The following ARMH3 variants were observed in gnomAD, a reference collection of about 807,000 sequenced individuals.
The protein encoded by ARMH3 is armadillo-like helical domain-containing protein 3.
Under a neutral mutation model 99.1 loss-of-function variants are expected in ARMH3, and 60 were observed. The ratio of observed to expected loss-of-function variants is 0.61; its 90% CI spans 0.49 to 0.75. ARMH3 has a LOEUF of 0.75. Among genes scored for constraint, ARMH3 ranks in the 30% least tolerant of loss-of-function variants. ARMH3 has a pLI of 0.00. For synonymous variants in ARMH3, 285 were observed against 292.8 expected (o/e 0.97, Z 0.27); for missense variants, 679 against 843.1 (o/e 0.81, Z 2.41).
chr10:101,861,953 G>T (rs2135317453), intron 24 of ARMH3, among the ~76,000 whole-genome samples: 1 of 147,992 alleles, frequency 6.8e-6, no homozygotes, highest in Middle Eastern at 3.5e-3. Flanking sequence ...GGAGGCTGAG[G>T]CAGGAGAATG....
In ARMH3 at chr10:102,010,284, A is replaced by G. The variant is rs562047013; in HGVS notation, c.832-261T>C. Among the ~76,000 whole-genome samples, 8 of 152,346 alleles carry G rather than the reference A, an allele frequency of 5.3e-5. No individual in the cohort carries two copies. In the South Asian group the frequency reaches 1.4e-3, roughly 28 times the overall value. On this transcript the variant is annotated intron_variant, in intron 11 of 25. Coordinates refer to ENST00000370033, the MANE Select transcript of ARMH3 (RefSeq NM_024541.3). ...CTTGCCTACTAAATCACCTCGCTTTAAAGAAAAAGCCTAGTACTTTTGTCC... is the reference window on the plus strand; with the variant it reads ...CTTGCCTACTAAATCACCTCGCTTTGAAGAAAAAGCCTAGTACTTTTGTCC...
intron 24 of ARMH3, among the ~76,000 whole-genome samples, chr10:101,869,228 T>G (rs911996304): frequency 1.3e-5 from 2 of 152,070 alleles, no homozygotes; most frequent in Non-Finnish European, 2.9e-5. Context: ...AGAAAATAAG[T>G]AAAGAGAGAA....
chr10:101,863,381 C>T (rs1750339980), intron 24 of ARMH3, among the ~76,000 whole-genome samples: 1 of 152,080 alleles, frequency 6.6e-6, no homozygotes. Context: ...CATCTAAAAA[C>T]AGTTTCAAAA....
intron 22 of ARMH3, among the ~76,000 whole-genome samples, chr10:101,955,590 G>A (rs992225948): frequency 1.1e-4 from 17 of 152,034 alleles, no homozygotes; most frequent in Non-Finnish European, 1.8e-4. Flanking sequence ...CTTTCTCCTG[G>A]TACTTTTTCC....
chr10:101,892,128 C>T (rs1329354051), intron 23 of ARMH3, among the ~76,000 whole-genome samples: 1 of 151,222 alleles, frequency 6.6e-6, no homozygotes, highest in Non-Finnish European at 1.5e-5. Flanking sequence ...AAAAACCCCA[C>T]CCAAAATCAA....
chr10:101,881,912 C>T (rs1417586782), intron 24 of ARMH3, among the ~76,000 whole-genome samples: 2 of 152,208 alleles, frequency 1.3e-5, no homozygotes, highest in Non-Finnish European at 2.9e-5. Context: ...AAACTCCATT[C>T]TTTTCTCCTC....
rs1358183154 is a variant in ARMH3 at position 102,013,977 on chromosome 10, G to C, written c.717C>G (p.Ala239=). The change falls in exon 9 of 26, where the codon GCC becomes GCG. Residue 239 remains alanine, a synonymous_variant. Transcript: ENST00000370033. ...GGATCCAGATACTCACATTGAGTGT[G>C]GCCTCATCATCCACGATAGACAGCT... ...IVKLSIVDDE[A]TLNGMGLVIA... 6.2e-7 allele frequency: 1 copy of C among 1,608,104 alleles called. No individual in the cohort carries two copies. The highest frequency in any genetic ancestry group is 2.2e-5 in the East Asian group (1 of 44,796).
At chr10:101,850,033 A>G (rs2066552907) in intron 24 of ARMH3, 141 bp from the exon 25 acceptor site, 1 of 646,678 alleles carries the variant, frequency 1.5e-6, no homozygotes, top group Non-Finnish European at 2.7e-6. Context: ...CTTCCAGAAA[A>G]CAGCCTGGCT....
intron 22 of ARMH3, among the ~76,000 whole-genome samples, chr10:101,955,443 GCCTAAGA>G (rs1297216008): frequency 1.3e-5 from 2 of 152,096 alleles, no homozygotes; most frequent in African/African-American, 4.8e-5. Flanking sequence ...TACTTGCACT[GCCTAAGA>G]CATTATAGCA....
Position 101,990,608 on chromosome 10 carries a change from A to C in ARMH3, c.1349T>G (p.Leu450Arg). The change falls in exon 19 of 26, where the codon CTG becomes CGG. Residue 450 changes from leucine (L) to arginine (R), a missense_variant. Leu to Arg is a moderately radical substitution (Grantham distance 102, BLOSUM62 -2). Around this residue, in one of 3 missense-constraint regions of ARMH3, gnomAD observed 389 missense variants for 456.5 expected, o/e 0.85. Coordinates refer to ENST00000370033, the MANE Select transcript of ARMH3 (RefSeq NM_024541.3). ...CRPLVCAVLD[L>R]MVEFIVTHMM... ...GTGTGTTACAATAAACTCTACCATCAGGTCTGAAAGGGGAATAGAGAAAAA... is the reference window on the plus strand; with the variant it reads ...GTGTGTTACAATAAACTCTACCATCCGGTCTGAAAGGGGAATAGAGAAAAA... 2 of 1,604,936 alleles carry C rather than the reference A, an allele frequency of 1.2e-6. No individual in the cohort carries two copies. Among genetic ancestry groups the C allele is most frequent in the South Asian group, 2.2e-5 (2 of 90,604 alleles).
intron 23 of ARMH3, among the ~76,000 whole-genome samples, chr10:101,898,972 C>T (rs992394848): frequency 6.6e-6 from 1 of 152,182 alleles, no homozygotes; most frequent in Non-Finnish European, 1.5e-5. Flanking sequence ...CATCTTTTTC[C>T]TTGAAGGCCC....
chr10:101,945,594 T>C (rs1268725494), intron 22 of ARMH3, among the ~76,000 whole-genome samples: 1 of 151,942 alleles, frequency 6.6e-6, no homozygotes, highest in African/African-American at 2.4e-5. Flanking sequence ...GGTGCATGCC[T>C]GTAATCCCAG....
At chr10:101,958,042 A>T (rs1330772765) in intron 20 of ARMH3, among the ~76,000 whole-genome samples, 1 of 152,240 alleles carries the variant, frequency 6.6e-6, no homozygotes, top group African/African-American at 2.4e-5. Context: ...TTACTCCCAC[A>T]TGGTGATTTC....
At chr10:101,878,122 G>A (rs898013652) in intron 24 of ARMH3, among the ~76,000 whole-genome samples, 3 of 151,956 alleles carry the variant, frequency 2.0e-5, no homozygotes, top group African/African-American at 7.3e-5. Flanking sequence ...AGCCAGGTGT[G>A]GTAAGTGCGC....
intron 5 of ARMH3, among the ~76,000 whole-genome samples, chr10:102,025,941 G>C (rs2066991534): frequency 2.0e-5 from 3 of 152,102 alleles, no homozygotes. Context: ...CACTATGCCT[G>C]GCAAGTTTCG....
intron 19 of ARMH3, among the ~76,000 whole-genome samples, chr10:101,987,193 C>G (rs1471239315): frequency 6.6e-6 from 1 of 151,986 alleles, no homozygotes; most frequent in Non-Finnish European, 1.5e-5. Context: ...TTTCTACTCT[C>G]TTATCCTCCC....
intron 23 of ARMH3, among the ~76,000 whole-genome samples, chr10:101,925,957 A>G (rs1233996399): frequency 6.6e-6 from 1 of 152,172 alleles, no homozygotes; most frequent in African/African-American, 2.4e-5. Context: ...TCTGGAACCT[A>G]AAGTATTAAG....
chr10:101,942,779 T>G (rs1844302637), intron 22 of ARMH3, among the ~76,000 whole-genome samples: 1 of 151,750 alleles, frequency 6.6e-6, no homozygotes, highest in African/African-American at 2.4e-5. Context: ...GGCAGGAGAA[T>G]TGCTTTAACC....
At chr10:101,993,461 G>A (rs1230215219) in intron 17 of ARMH3, 77 bp downstream of exon 17, 1 of 1,132,318 alleles carries the variant, frequency 8.8e-7, no homozygotes, top group Admixed American at 2.2e-5. Context: ...GTTCTAGTAA[G>A]ATCAATTTCA....
Sources: allele counts gnomAD v4.1 joint callset (sites outside exome capture counted in the v4.1 genomes callset), GRCh38; gene constraint gnomAD v4.1.1; regional missense constraint gnomAD v4.1.1; transcripts MANE v1.5; gene names NCBI Gene and HGNC (gene_info 2026-07-23, HGNC 2026-07-21).